CNTN4: variants seen among roughly 807,000 people sequenced by gnomAD.
CNTN4 encodes contactin-4.
A neutral mutation model predicts 122.5 loss-of-function variants in CNTN4; 77 were observed. The observed-to-expected ratio is 0.63, with a 90% CI of 0.52 to 0.76. The LOEUF (loss-of-function observed/expected upper bound fraction) is 0.76, where lower values mean the gene tolerates loss of function less well. CNTN4 is among the 30% of genes least tolerant of loss of function. The pLI is 0.00. For missense variants in CNTN4, 1,256 were observed against 1,259.1 expected, an observed-to-expected ratio of 1.00 and a Z score of 0.04; for synonymous variants, 512 against 447.0, an observed-to-expected ratio of 1.15 and a Z score of -1.83.
Position 2,822,604 on chromosome 3 carries a change from C to T in CNTN4, c.454+3023C>T, listed in dbSNP as rs531250331. ...GGCTACCTTCATTGCATTAAGTTTTCATCACATGGCAGCAACCCTAAAAAT... is the reference window on the plus strand; with the variant it reads ...GGCTACCTTCATTGCATTAAGTTTTTATCACATGGCAGCAACCCTAAAAAT... On this transcript the variant is annotated intron_variant, in intron 7 of 24. Coordinates refer to ENST00000418658, the MANE Select transcript of CNTN4 (RefSeq NM_175607.3). Among the ~76,000 whole-genome samples the T allele has an allele frequency of 3.3e-5, 5 of 152,294 alleles. No individual in the cohort carries two copies. The East Asian group carries it at 7.7e-4, about 24-fold the overall frequency.
At chr3:2,315,471 T>C (rs1233590331) in intron 2 of CNTN4, among the ~76,000 whole-genome samples, 1 of 152,042 alleles carries the variant, frequency 6.6e-6, no homozygotes, top group Non-Finnish European at 1.5e-5. Flanking sequence ...TTAATAAGGA[T>C]GTTAACAGTA....
At chr3:2,512,568 T>C (rs2076919191) in intron 3 of CNTN4, among the ~76,000 whole-genome samples, 1 of 152,234 alleles carries the variant, frequency 6.6e-6, no homozygotes, top group Admixed American at 6.5e-5. Flanking sequence ...TGGAAAGGGA[T>C]TTGTGGATTT....
intron 6 of CNTN4, among the ~76,000 whole-genome samples, chr3:2,781,748 G>T: frequency 7.7e-6 from 1 of 129,794 alleles, no homozygotes; most frequent in Non-Finnish European, 1.6e-5. Flanking sequence ...TTTTTGAGAC[G>T]GAGTGTCGCT....
chr3:2,873,132 C>G (rs80250718), intron 8 of CNTN4, among the ~76,000 whole-genome samples: 3,512 of 152,280 alleles, frequency 0.023, 56 homozygotes, highest in Middle Eastern at 0.051. Context: ...AGTATAGTCC[C>G]AGACGTACCA....
chr3:2,401,065 A>G (rs1456219116), intron 3 of CNTN4, among the ~76,000 whole-genome samples: 1 of 152,134 alleles, frequency 6.6e-6, no homozygotes, highest in African/African-American at 2.4e-5. Flanking sequence ...TATACCAGAT[A>G]CTGAAATGGC....
intron 2 of CNTN4, among the ~76,000 whole-genome samples, chr3:2,179,009 T>C (rs1380636491): frequency 6.6e-6 from 1 of 152,064 alleles, no homozygotes; most frequent in East Asian, 1.9e-4. Flanking sequence ...TTCTGTTTAA[T>C]GAATGTCCCT....
At chr3:2,222,099 G>C (rs2039082213) in intron 2 of CNTN4, among the ~76,000 whole-genome samples, 1 of 152,118 alleles carries the variant, frequency 6.6e-6, no homozygotes, top group African/African-American at 2.4e-5. Context: ...ACCTGTGTAT[G>C]AATGTTTATA....
chr3:2,467,136 T>G (rs553415556), intron 3 of CNTN4, among the ~76,000 whole-genome samples: 11 of 150,576 alleles, frequency 7.3e-5, no homozygotes, highest in Admixed American at 3.3e-4. Context: ...ATTATGGGTT[T>G]TTTTTTTTTT....
intron 2 of CNTN4, among the ~76,000 whole-genome samples, chr3:2,138,951 A>C (rs996770278): frequency 6.6e-6 from 1 of 152,210 alleles, no homozygotes; most frequent in Non-Finnish European, 1.5e-5. Context: ...GAGTAGCCAA[A>C]GCAAAGACAG....
chr3:2,941,588 C>G lies in CNTN4; in HGVS notation c.1358+15809C>G, dbSNP rs138144864. 8.5e-5 allele frequency among the ~76,000 whole-genome samples: 13 copies of G among 152,292 alleles called. 3 individuals are homozygous for G. Among genetic ancestry groups the G allele is most frequent in the African/African-American group, 3.1e-4 (13 of 41,578 alleles). The stretch of plus-strand genomic sequence containing the variant: ...AAACTTTACTTCCAAAGAACATAAT[C>G]TATCTCCTTCTTTCTATGTGCATTG... On this transcript the variant is annotated intron_variant, in intron 13 of 24. Coordinates refer to ENST00000418658, the MANE Select transcript of CNTN4 (RefSeq NM_175607.3).
intron 3 of CNTN4, among the ~76,000 whole-genome samples, chr3:2,418,067 C>A (rs2047481682): frequency 6.6e-6 from 1 of 152,078 alleles, no homozygotes; most frequent in African/African-American, 2.4e-5. Flanking sequence ...GATACAGATA[C>A]ATGTTATTAC....
intron 12 of CNTN4, among the ~76,000 whole-genome samples, chr3:2,915,346 A>C (rs2094342167): frequency 6.6e-6 from 1 of 152,200 alleles, no homozygotes. Context: ...GATTACTGGC[A>C]TGAGCCACTG....
At position 2,630,947 on chromosome 3, in the gene CNTN4, C is replaced by A. The variant is rs146418585; in HGVS notation, c.55+59389C>A. On this transcript the variant is annotated intron_variant, in intron 4 of 24. Coordinates refer to ENST00000418658, the MANE Select transcript of CNTN4 (RefSeq NM_175607.3). Reference sequence around the variant, plus strand: ...TTATTTTGCTTGCATCTTACCAAACCTCAACTTATAGTCAGTTGACCAAGT... The same window carrying A: ...TTATTTTGCTTGCATCTTACCAAACATCAACTTATAGTCAGTTGACCAAGT... 1.2e-3 allele frequency among the ~76,000 whole-genome samples: 177 copies of A among 152,178 alleles called. 1 individual carries two copies. The highest frequency in any genetic ancestry group is 3.9e-3 in the African/African-American group (164 of 41,520).
intron 2 of CNTN4, among the ~76,000 whole-genome samples, chr3:2,290,853 T>G (rs1314322456): frequency 6.6e-6 from 1 of 152,214 alleles, no homozygotes. Context: ...CAACAGAAAC[T>G]TCGGGTCTGA....
At chr3:2,744,095 G>T (rs553857504) in intron 5 of CNTN4, among the ~76,000 whole-genome samples, 1 of 152,148 alleles carries the variant, frequency 6.6e-6, no homozygotes, top group African/African-American at 2.4e-5. Context: ...GATTACAGGC[G>T]TGAGCCACCG....
At chr3:2,866,597 G>A (rs2093726276) in intron 7 of CNTN4, 155 bp from the exon 8 acceptor site, 3 of 1,130,236 alleles carry the variant, frequency 2.7e-6, no homozygotes, top group South Asian at 1.5e-5. Flanking sequence ...AAATGCCACG[G>A]GGGACTGTGA....
intron 6 of CNTN4, among the ~76,000 whole-genome samples, chr3:2,787,073 T>A (rs943524350): frequency 1.1e-4 from 17 of 152,108 alleles, no homozygotes; most frequent in Non-Finnish European, 2.2e-4. Context: ...TAACAAAAAC[T>A]TGAAGGTATT....
chr3:2,233,283 A>G (rs924011396), intron 2 of CNTN4, among the ~76,000 whole-genome samples: 1 of 152,142 alleles, frequency 6.6e-6, no homozygotes. Context: ...ATAAAATCAT[A>G]TGAATATTGA....
At chr3:2,284,920 A>G (rs1332846568) in intron 2 of CNTN4, among the ~76,000 whole-genome samples, 2 of 151,988 alleles carry the variant, frequency 1.3e-5, no homozygotes, top group Admixed American at 1.3e-4. Flanking sequence ...GATGACTTGA[A>G]AAAAATGCAT....
Sources: gnomAD v4.1 joint callset for allele counts (sites outside exome capture counted in the v4.1 genomes callset) on GRCh38, gnomAD v4.1.1 for gene constraint, MANE v1.5 for transcripts, NCBI Gene and HGNC (gene_info 2026-07-23, HGNC 2026-07-21) for gene names.